Variants in CNTN4 observed in about 807,000 individuals in gnomAD.
The protein encoded by CNTN4 is contactin-4.
Under a neutral mutation model 122.5 loss-of-function variants are expected in CNTN4, and 77 were observed. The ratio of observed to expected loss-of-function variants is 0.63; its 90% CI spans 0.52 to 0.76. The LOEUF is 0.76. Among genes scored for constraint, CNTN4 ranks in the 30% least tolerant of loss-of-function variants. CNTN4 has a pLI of 0.00. For synonymous variants in CNTN4, 512 were observed against 447.0 expected, an observed-to-expected ratio of 1.15 and a Z score of -1.83; for missense variants, 1,256 against 1,259.1, an observed-to-expected ratio of 1.00 and a Z score of 0.04.
At chr3:2,674,303 A>G (rs910539796) in intron 4 of CNTN4, among the ~76,000 whole-genome samples, 2 of 152,018 alleles carry the variant, frequency 1.3e-5, no homozygotes, top group Non-Finnish European at 2.9e-5. Flanking sequence ...ACATAATTGC[A>G]TATATTTATG....
At chr3:2,593,811 G>T (rs532928428) in intron 4 of CNTN4, among the ~76,000 whole-genome samples, 1 of 152,244 alleles carries the variant, frequency 6.6e-6, no homozygotes, top group East Asian at 1.9e-4. Context: ...AAGAAGAGAA[G>T]TGGAGGCTAT....
At chr3:2,531,103 A>G (rs1172428893) in intron 3 of CNTN4, among the ~76,000 whole-genome samples, 1 of 152,218 alleles carries the variant, frequency 6.6e-6, no homozygotes, top group African/African-American at 2.4e-5. Flanking sequence ...CCTAAAAAAG[A>G]GTCAATATGT....
At chr3:2,997,968 T>C (rs952154812) in intron 14 of CNTN4, among the ~76,000 whole-genome samples, 3 of 152,234 alleles carry the variant, frequency 2.0e-5, no homozygotes, top group African/African-American at 7.2e-5. Context: ...CTTTTCTCTC[T>C]CTTCAAAAGT....
intron 6 of CNTN4, among the ~76,000 whole-genome samples, chr3:2,803,576 T>A (rs1297859142): frequency 6.6e-6 from 1 of 151,694 alleles, no homozygotes; most frequent in Non-Finnish European, 1.5e-5. Flanking sequence ...TTTTTTTTGT[T>A]TGAGACAGAG....
chr3:2,387,865 C>T (rs1453285634), intron 3 of CNTN4, among the ~76,000 whole-genome samples: 2 of 152,098 alleles, frequency 1.3e-5, no homozygotes, highest in African/African-American at 2.4e-5. Context: ...CTGGTCTTCC[C>T]AAGAATAAAG....
At chr3:2,243,338 G>T (rs2040014918) in intron 2 of CNTN4, among the ~76,000 whole-genome samples, 1 of 152,114 alleles carries the variant, frequency 6.6e-6, no homozygotes, top group Non-Finnish European at 1.5e-5. Context: ...AATAAGACAA[G>T]AGGTTCTGTT....
intron 4 of CNTN4, among the ~76,000 whole-genome samples, chr3:2,682,444 T>A (rs1489286328): frequency 1.3e-5 from 2 of 152,162 alleles, no homozygotes; most frequent in African/African-American, 4.8e-5. Flanking sequence ...CCTGCAAAAT[T>A]TACAAGCCCA....
chr3:2,776,944 A>G (rs1332451149), intron 6 of CNTN4, among the ~76,000 whole-genome samples: 6 of 152,138 alleles, frequency 3.9e-5, no homozygotes, highest in African/African-American at 1.4e-4. Context: ...CCTAATTTGT[A>G]TTCCAGGAGA....
chr3:2,287,719 AAGAAGAAGAAGAAG>A, intron 2 of CNTN4, among the ~76,000 whole-genome samples: 1 of 57,552 alleles, frequency 1.7e-5, no homozygotes, highest in Non-Finnish European at 3.6e-5. Flanking sequence ...GAGGAAGAAG[AAGAAGAAGAAGAAG>A]AAGAAGAAGA....
chr3:2,894,675 G>T (rs2094086297), intron 10 of CNTN4, among the ~76,000 whole-genome samples: 1 of 151,956 alleles, frequency 6.6e-6, no homozygotes, highest in African/African-American at 2.4e-5. Flanking sequence ...CAGATTGAGG[G>T]AAACACTAGG....
At chr3:2,763,721 C>A (rs1240741007) in intron 6 of CNTN4, among the ~76,000 whole-genome samples, 1 of 152,138 alleles carries the variant, frequency 6.6e-6, no homozygotes, top group Non-Finnish European at 1.5e-5. Context: ...TATCCCGGCA[C>A]CATTTATTGA....
intron 2 of CNTN4, among the ~76,000 whole-genome samples, chr3:2,295,637 A>G (rs2150029891): frequency 6.6e-6 from 1 of 151,968 alleles, no homozygotes; most frequent in East Asian, 1.9e-4. Context: ...TTGCCTGTTC[A>G]CTCTGATGGT....
intron 12 of CNTN4, among the ~76,000 whole-genome samples, chr3:2,912,996 A>G (rs2094317522): frequency 6.6e-6 from 1 of 152,180 alleles, no homozygotes; most frequent in Non-Finnish European, 1.5e-5. Flanking sequence ...TACTAAAAAT[A>G]CAAAGTTTAG....
At chr3:2,405,016 T>C (rs1284169620) in intron 3 of CNTN4, among the ~76,000 whole-genome samples, 1 of 152,212 alleles carries the variant, frequency 6.6e-6, no homozygotes, top group Non-Finnish European at 1.5e-5. Context: ...TTCTTCTCAG[T>C]GTAAAGTACG....
chr3:2,120,383 ATATATATATATATATATATATATT>A, intron 2 of CNTN4, among the ~76,000 whole-genome samples: 1 of 59,830 alleles, frequency 1.7e-5, no homozygotes, highest in African/African-American at 7.4e-5. Context: ...AAATATATAT[ATATATATATATATATATATATATT>A]TTTTTTTTTT....
intron 7 of CNTN4, among the ~76,000 whole-genome samples, chr3:2,829,725 G>A (rs1479005026): frequency 1.3e-5 from 2 of 152,092 alleles, no homozygotes; most frequent in East Asian, 1.9e-4. Flanking sequence ...ACACTTATGA[G>A]TAGAAAAAAA....
At chr3:2,757,138 A>G (rs1471981662) in intron 6 of CNTN4, among the ~76,000 whole-genome samples, 1 of 152,230 alleles carries the variant, frequency 6.6e-6, no homozygotes, top group East Asian at 1.9e-4. Context: ...TTTGTCTCAC[A>G]CTATGCATTT....
chr3:2,947,798 A>G (rs571053770), intron 13 of CNTN4, among the ~76,000 whole-genome samples: 78 of 152,312 alleles, frequency 5.1e-4, no homozygotes, highest in Non-Finnish European at 3.8e-4. Context: ...GGTTTTCTTT[A>G]TAATTTTTCC....
Position 2,203,619 on chromosome 3 carries a change from G to T in CNTN4, c.-145+102980G>T, listed in dbSNP as rs11921530. 6.3e-3 allele frequency among the ~76,000 whole-genome samples: 952 copies of T among 152,188 alleles called. 13 individuals are homozygous for T. Among genetic ancestry groups the T allele is most frequent in the African/African-American group, 0.022 (902 of 41,490 alleles). The stretch of plus-strand genomic sequence containing the variant: ...AGAGAAAATGTACCTGCTCCAGTAC[G>T]TTCCTGAATAGATGTATCCTTATAC... On this transcript the variant is annotated intron_variant, in intron 2 of 24. Coordinates refer to ENST00000418658, the MANE Select transcript of CNTN4 (RefSeq NM_175607.3).
Sources: allele counts gnomAD v4.1 joint callset (sites outside exome capture counted in the v4.1 genomes callset), GRCh38; gene constraint gnomAD v4.1.1; transcripts MANE v1.5; gene names NCBI Gene and HGNC (gene_info 2026-07-23, HGNC 2026-07-21).